Variants in KIAA1328 observed in about 807,000 individuals in gnomAD.
KIAA1328 encodes the protein KIAA1328, also known as protein hinderin.
Under a neutral mutation model 68.1 loss-of-function variants are expected in KIAA1328, and 52 were observed. That is an observed-to-expected ratio of 0.76 (90% CI 0.61 to 0.96). The LOEUF is 0.96. KIAA1328 is among the 40% of genes least tolerant of loss of function. The probability of loss-of-function intolerance (pLI) is 0.00; values close to 1 mark genes in which losing one functional copy is unlikely to be tolerated. For synonymous variants in KIAA1328, 232 were observed against 239.4 expected (o/e 0.97, Z 0.28); for missense variants, 641 against 677.6 (o/e 0.95, Z 0.60).
At chr18:37,065,466 A>G (rs1260329018) in intron 6 of KIAA1328, among the ~76,000 whole-genome samples, 1 of 152,190 alleles carries the variant, frequency 6.6e-6, no homozygotes, top group Non-Finnish European at 1.5e-5. Context: ...TAAAGGTTAT[A>G]CTCTGGCTGC....
At chr18:37,197,241 T>G (rs1277768204) in intron 9 of KIAA1328, among the ~76,000 whole-genome samples, 1 of 152,124 alleles carries the variant, frequency 6.6e-6, no homozygotes, top group Non-Finnish European at 1.5e-5. Flanking sequence ...AAAAGTTTGT[T>G]GATTTTGTTT....
rs929574038 is a variant in KIAA1328, at chr18:36,859,101, T to C, written c.332+14799T>C. 2.0e-5 allele frequency among the ~76,000 whole-genome samples: 3 copies of C among 152,174 alleles called. No individual in the cohort carries two copies. The South Asian group carries it at 6.2e-4, about 31-fold the overall frequency. ...TATGTTGCATAAGCAATTGAATCTT[T>C]TGTGTGTTTATAATTCTATCCATTT... is the stretch of plus-strand genomic sequence containing the variant. On this transcript the variant is annotated intron_variant, in intron 4 of 9. Transcript: ENST00000280020.
intron 7 of KIAA1328, among the ~76,000 whole-genome samples, chr18:37,127,101 C>T (rs577528610): frequency 1.3e-5 from 2 of 152,266 alleles, no homozygotes; most frequent in Admixed American, 1.3e-4. Flanking sequence ...TAAAAGGCTA[C>T]ATTACTGGAA....
intron 9 of KIAA1328, among the ~76,000 whole-genome samples, chr18:37,178,525 A>G (rs937473073): frequency 2.6e-5 from 4 of 152,126 alleles, no homozygotes; most frequent in African/African-American, 9.7e-5. Context: ...CTTGGCTATT[A>G]TGAGTGCTTC....
intron 6 of KIAA1328, among the ~76,000 whole-genome samples, chr18:36,992,500 C>T (rs866124539): frequency 5.3e-5 from 7 of 131,404 alleles, no homozygotes; most frequent in African/African-American, 1.0e-4. Context: ...TTTCTTTATA[C>T]GATACTTTTG....
intron 4 of KIAA1328, among the ~76,000 whole-genome samples, chr18:36,881,114 G>A (rs987594710): frequency 1.0e-4 from 15 of 149,810 alleles, no homozygotes; most frequent in African/African-American, 3.5e-4. Context: ...GTGATAACCA[G>A]TAAGTATTAG....
At chr18:36,850,873 C>T (rs1407012622) in intron 4 of KIAA1328, among the ~76,000 whole-genome samples, 1 of 152,158 alleles carries the variant, frequency 6.6e-6, no homozygotes, top group Non-Finnish European at 1.5e-5. Context: ...GTGGCAGAAG[C>T]AGGCATTTGT....
At chr18:37,140,252 A>G (rs1332068980) in intron 7 of KIAA1328, among the ~76,000 whole-genome samples, 1 of 152,040 alleles carries the variant, frequency 6.6e-6, no homozygotes, top group Non-Finnish European at 1.5e-5. Context: ...CTATCAAGTA[A>G]TTGTTCTTTG....
chr18:36,942,627 G>A (rs768945258), intron 5 of KIAA1328, among the ~76,000 whole-genome samples: 6 of 152,122 alleles, frequency 3.9e-5, no homozygotes, highest in Admixed American at 1.3e-4. Flanking sequence ...TAATCTGAAT[G>A]TATTTTTTAA....
At chr18:37,159,730 ACTC>A (rs2059236075) in intron 7 of KIAA1328, among the ~76,000 whole-genome samples, 1 of 152,100 alleles carries the variant, frequency 6.6e-6, no homozygotes, top group Non-Finnish European at 1.5e-5. Flanking sequence ...CTGTTACACT[ACTC>A]CTTACGTACT....
intron 4 of KIAA1328, among the ~76,000 whole-genome samples, chr18:36,882,203 A>G (rs1049881779): frequency 1.3e-5 from 2 of 152,232 alleles, no homozygotes; most frequent in Non-Finnish European, 2.9e-5. Context: ...ATCAGGTAAC[A>G]GAAACCATAG....
intron 7 of KIAA1328, among the ~76,000 whole-genome samples, chr18:37,067,903 A>G (rs2056402529): frequency 6.6e-6 from 1 of 152,138 alleles, no homozygotes. Flanking sequence ...TGGAGAGCAC[A>G]GTGTAAAATT....
intron 4 of KIAA1328, among the ~76,000 whole-genome samples, chr18:36,853,057 GT>G (rs905821760): frequency 3.3e-5 from 5 of 152,012 alleles, no homozygotes; most frequent in African/African-American, 1.2e-4. Context: ...AGCATTCTTT[GT>G]TTTAAAGCCT....
chr18:37,022,575 A>G (rs982425866), intron 6 of KIAA1328, among the ~76,000 whole-genome samples: 4 of 152,146 alleles, frequency 2.6e-5, no homozygotes, highest in Non-Finnish European at 5.9e-5. Flanking sequence ...GAAAGTGAAG[A>G]CCTTTGGGTG....
intron 6 of KIAA1328, among the ~76,000 whole-genome samples, chr18:37,065,820 T>C (rs955249149): frequency 5.9e-5 from 9 of 152,208 alleles, no homozygotes; most frequent in African/African-American, 1.9e-4. Flanking sequence ...CAACGTGGAA[T>C]CTAGATACAC....
chr18:36,978,413 T>A (rs184407049), intron 6 of KIAA1328, among the ~76,000 whole-genome samples: 1 of 152,164 alleles, frequency 6.6e-6, no homozygotes, highest in Non-Finnish European at 1.5e-5. Flanking sequence ...CAGTTACGAA[T>A]TGGTGGAAAC....
rs970448582 is a variant in KIAA1328 at position 37,141,272 on chromosome 18, A to C, written c.1233-18928A>C. On this transcript the variant is annotated intron_variant, in intron 7 of 9. Coordinates refer to ENST00000280020, the MANE Select transcript of KIAA1328 (RefSeq NM_020776.3). ...GTTTCCCTCCAAAGATCCCTAGCCCATGCAACCAATAATCTGTTATATATC... is the reference window on the plus strand; with the variant it reads ...GTTTCCCTCCAAAGATCCCTAGCCCCTGCAACCAATAATCTGTTATATATC... Among the ~76,000 whole-genome samples the C allele has an allele frequency of 3.3e-5, 5 of 152,164 alleles. No individual in the cohort carries two copies. The East Asian group carries it at 9.6e-4, about 29-fold the overall frequency.
At chr18:37,198,191 G>T (rs1017053748) in intron 9 of KIAA1328, among the ~76,000 whole-genome samples, 1 of 152,176 alleles carries the variant, frequency 6.6e-6, no homozygotes, top group African/African-American at 2.4e-5. Flanking sequence ...TTGAGAGTAA[G>T]GAGTGACTGT....
intron 3 of KIAA1328, among the ~76,000 whole-genome samples, chr18:36,838,876 G>A (rs534695051): frequency 2.6e-5 from 4 of 151,998 alleles, no homozygotes; most frequent in East Asian, 1.9e-4. Context: ...CTGGGATTAC[G>A]GGCGTGCACC....
Sources: allele counts gnomAD v4.1 joint callset (sites outside exome capture counted in the v4.1 genomes callset), GRCh38; gene constraint gnomAD v4.1.1; transcripts MANE v1.5; gene names NCBI Gene and HGNC (gene_info 2026-07-23, HGNC 2026-07-21).